Variants in THSD4 observed in about 807,000 individuals in gnomAD.
The protein encoded by THSD4 is thrombospondin type 1 domain containing 4, also known as thrombospondin type-1 domain-containing protein 4.
THSD4 carries 69 observed loss-of-function variants against 119.0 expected under a neutral mutation model. The observed-to-expected ratio is 0.58, with a 90% CI of 0.48 to 0.71. The LOEUF is 0.71. Ranked by LOEUF, THSD4 falls within the 30% of genes least tolerant of loss-of-function variation. The pLI is 0.00. For missense variants in THSD4, 1,393 were observed against 1,391.1 expected, an observed-to-expected ratio of 1.00 and a Z score of -0.02; for synonymous variants, 524 against 540.4, an observed-to-expected ratio of 0.97 and a Z score of 0.42.
chr15:71,696,666 A>T (rs752759370), intron 8 of THSD4, among the ~76,000 whole-genome samples: 13 of 152,224 alleles, frequency 8.5e-5, no homozygotes, highest in Non-Finnish European at 1.3e-4. Context: ...GGAGAAAGGA[A>T]AAGACACAAA....
intron 1 of THSD4, among the ~76,000 whole-genome samples, chr15:71,133,051 G>A (rs1470052858): frequency 6.6e-6 from 1 of 152,230 alleles, no homozygotes; most frequent in Admixed American, 6.5e-5. Flanking sequence ...CAGCTCCCAT[G>A]CAGAGCTCAG....
Position 71,390,534 on chromosome 15 carries a change from T to A in THSD4, c.1016-21153T>A, listed in dbSNP as rs190130209. 2.2e-3 allele frequency among the ~76,000 whole-genome samples: 333 copies of A among 152,300 alleles called. 1 individual carries two copies. Among genetic ancestry groups the A allele is most frequent in the Non-Finnish European group, 1.3e-3 (89 of 68,024 alleles). Reference sequence around the variant, plus strand: ...ATTTTGGATCTTGTATCTCCCTATGTCTACTTTGTCATATAGCCCTCCTTT... The same window carrying A: ...ATTTTGGATCTTGTATCTCCCTATGACTACTTTGTCATATAGCCCTCCTTT... On this transcript the variant is annotated intron_variant, in intron 6 of 17. Transcript: ENST00000261862.
intron 7 of THSD4, among the ~76,000 whole-genome samples, chr15:71,481,217 G>C (rs1020855661): frequency 6.6e-6 from 1 of 152,106 alleles, no homozygotes; most frequent in East Asian, 1.9e-4. Flanking sequence ...AAGAAGCCTC[G>C]ATTAGTTCTC....
chr15:71,148,039 C>T (rs1180109747), intron 2 of THSD4, among the ~76,000 whole-genome samples: 1 of 148,538 alleles, frequency 6.7e-6, no homozygotes, highest in Non-Finnish European at 1.5e-5. Flanking sequence ...AAGTACTGGT[C>T]GAGAAAATAC....
intron 7 of THSD4, among the ~76,000 whole-genome samples, chr15:71,514,762 AT>A (rs1346634738): frequency 6.6e-6 from 1 of 152,250 alleles, no homozygotes; most frequent in African/African-American, 2.4e-5. Flanking sequence ...AAATAAAAAC[AT>A]TTTAAACAAA....
In THSD4 at chr15:71,409,790, A is replaced by G. The variant is rs150229533; in HGVS notation, c.1016-1897A>G. ...ATATGCTGTATCATGTAGTGTAGGAAAAAGTCAGTATTACCCAGTCAGGTA... is the reference window on the plus strand; with the variant it reads ...ATATGCTGTATCATGTAGTGTAGGAGAAAGTCAGTATTACCCAGTCAGGTA... On this transcript the variant is annotated intron_variant, in intron 6 of 17. Transcript: ENST00000261862. 1.3e-3 allele frequency among the ~76,000 whole-genome samples: 196 copies of G among 152,260 alleles called. No homozygotes were observed. In the East Asian group the frequency reaches 0.016, roughly 12 times the overall value.
intron 7 of THSD4, among the ~76,000 whole-genome samples, chr15:71,497,004 T>C (rs4389101): frequency 0.94 from 143,436 of 152,270 alleles, 67,838 homozygotes; most frequent in East Asian, 1. Flanking sequence ...ACACTGGGCA[T>C]GCTGCAGACC....
intron 6 of THSD4, among the ~76,000 whole-genome samples, chr15:71,309,620 T>C (rs192446743): frequency 1.3e-5 from 2 of 152,332 alleles, no homozygotes; most frequent in East Asian, 3.9e-4. Flanking sequence ...CTGAGATTTA[T>C]AGTTTTAGAT....
intron 7 of THSD4, among the ~76,000 whole-genome samples, chr15:71,441,508 G>T (rs1380474430): frequency 3.0e-5 from 4 of 133,138 alleles, no homozygotes; most frequent in African/African-American, 1.1e-4. Flanking sequence ...CAATACTCCT[G>T]CCTCAGCCTC....
intron 6 of THSD4, among the ~76,000 whole-genome samples, chr15:71,271,958 C>T (rs970988309): frequency 6.6e-6 from 1 of 152,176 alleles, no homozygotes; most frequent in South Asian, 2.1e-4. Context: ...AACTAAAAAG[C>T]TTCTGCATAG....
rs112184347 is a variant in THSD4, at chr15:71,218,632, T to C, written c.464+3233T>C. Among the ~76,000 whole-genome samples, 826 of 152,344 alleles carry C rather than the reference T, an allele frequency of 5.4e-3. 13 individuals carry two copies. Among genetic ancestry groups the C allele is most frequent in the African/African-American group, 0.019 (784 of 41,578 alleles). On this transcript the variant is annotated intron_variant, in intron 4 of 17. Coordinates refer to ENST00000261862, the MANE Select transcript of THSD4 (RefSeq NM_024817.3). Reference sequence around the variant, plus strand: ...CTAGGAGGCCTGTGCTGCCTACATATGTCATGCTCCTCCCGGCTGATGAAA... The same window carrying C: ...CTAGGAGGCCTGTGCTGCCTACATACGTCATGCTCCTCCCGGCTGATGAAA...
chr15:71,549,542 A>C (rs1179807221), intron 7 of THSD4: 1 of 152,212 alleles, frequency 6.6e-6, no homozygotes, highest in Non-Finnish European at 1.5e-5. Flanking sequence ...AGCTTTGAAG[A>C]ATGTGGCATT....
At chr15:71,523,755 G>C (rs965536149) in intron 7 of THSD4, among the ~76,000 whole-genome samples, 4 of 152,154 alleles carry the variant, frequency 2.6e-5, no homozygotes, top group African/African-American at 9.7e-5. Context: ...GCCAGAACTT[G>C]GTGATAAATT....
At chr15:71,275,051 C>T (rs1422739435) in intron 6 of THSD4, among the ~76,000 whole-genome samples, 1 of 152,084 alleles carries the variant, frequency 6.6e-6, no homozygotes, top group Non-Finnish European at 1.5e-5. Context: ...CAGTTGTCAT[C>T]GTGTGGCTGG....
At chr15:71,337,812 A>C (rs558242554) in intron 6 of THSD4, among the ~76,000 whole-genome samples, 1 of 152,070 alleles carries the variant, frequency 6.6e-6, no homozygotes, top group African/African-American at 2.4e-5. Context: ...AGGTTAGGAA[A>C]GTGATTTCTG....
rs1022122569 is a variant in THSD4 at position 71,448,011 on chromosome 15, C to T, written c.1152+36188C>T. Reference sequence around the variant, plus strand: ...AACAGTAGCTTTCTCGGCAGCTCTGCTTACTTGACTTCTGGTTATATCCCA... The same window carrying T: ...AACAGTAGCTTTCTCGGCAGCTCTGTTTACTTGACTTCTGGTTATATCCCA... On this transcript the variant is annotated intron_variant, in intron 7 of 17. Coordinates refer to ENST00000261862, the MANE Select transcript of THSD4 (RefSeq NM_024817.3). Among the ~76,000 whole-genome samples, 4 of 152,190 alleles carry T rather than the reference C, an allele frequency of 2.6e-5. No individual in the cohort carries two copies. The East Asian group carries it at 7.7e-4, about 29-fold the overall frequency.
intron 6 of THSD4, among the ~76,000 whole-genome samples, chr15:71,318,854 A>C (rs1320735608): frequency 6.6e-6 from 1 of 152,208 alleles, no homozygotes; most frequent in Non-Finnish European, 1.5e-5. Context: ...GGCAGAGTAC[A>C]GCAGTGGAGA....
At chr15:71,135,679 C>A (rs2040544302) in intron 1 of THSD4, among the ~76,000 whole-genome samples, 3 of 152,200 alleles carry the variant, frequency 2.0e-5, no homozygotes, top group African/African-American at 7.2e-5. Context: ...TTGGGCCATT[C>A]TTCTTGGCAG....
intron 6 of THSD4, among the ~76,000 whole-genome samples, chr15:71,336,147 T>TC (rs973523145): frequency 6.6e-6 from 1 of 152,312 alleles, no homozygotes; most frequent in Non-Finnish European, 1.5e-5. Flanking sequence ...TGTCTCCCTC[T>TC]CCCCACAAAA....
Sources: gnomAD v4.1 joint callset for allele counts (sites outside exome capture counted in the v4.1 genomes callset) on GRCh38, gnomAD v4.1.1 for gene constraint, MANE v1.5 for transcripts, NCBI Gene and HGNC (gene_info 2026-07-23, HGNC 2026-07-21) for gene names.